The following ITPR1 variants were observed in gnomAD, a reference collection of about 807,000 sequenced individuals.
ITPR1 encodes inositol 1,4,5-trisphosphate-gated calcium channel ITPR1.
A neutral mutation model predicts 318.4 loss-of-function variants in ITPR1; 96 were observed. The observed-to-expected ratio is 0.30, with a 90% CI of 0.26 to 0.36. The LOEUF is 0.36. ITPR1 is among the 10% of genes least tolerant of loss of function. ITPR1 has a pLI of 1.00. For synonymous variants in ITPR1, 1,312 were observed against 1,289.9 expected (o/e 1.02, Z -0.37); for missense variants, 2,440 against 3,460.2 (o/e 0.71, Z 7.40).
intron 4 of ITPR1, among the ~76,000 whole-genome samples, chr3:4,525,788 T>G (rs879824299): frequency 2.0e-5 from 3 of 152,164 alleles, no homozygotes; most frequent in Non-Finnish European, 4.4e-5. Flanking sequence ...AATAGAAACT[T>G]TGTGGTTAGT....
At chr3:4,702,259 A>G (rs574914390) in intron 35 of ITPR1, among the ~76,000 whole-genome samples, 1 of 152,376 alleles carries the variant, frequency 6.6e-6, no homozygotes, top group South Asian at 2.1e-4. Context: ...ATAAATGAAT[A>G]TTTATAAAGA....
In ITPR1 at chr3:4,519,460, C is replaced by T. The variant is rs1269269671; in HGVS notation, c.93-1564C>T. Among the ~76,000 whole-genome samples the T allele has an allele frequency of 2.0e-5, 3 of 152,112 alleles. 1 individual carries two copies. The highest frequency in any genetic ancestry group is 7.2e-5 in the African/African-American group (3 of 41,416). The stretch of plus-strand genomic sequence containing the variant: ...CAGAATGGTCTCAATCTCTTGACCT[C>T]GTGATCCGCCTGTCTCGGCCTCCCA... On this transcript the variant is annotated intron_variant, in intron 3 of 61. Transcript: ENST00000649015.
chr3:4,699,785 A>G (rs1559724093), intron 34 of ITPR1, 28 bp from the exon 35 acceptor site: 1 of 1,611,538 alleles, frequency 6.2e-7, no homozygotes, highest in Non-Finnish European at 8.5e-7. Flanking sequence ...TTTTGGTGTA[A>G]TGCTTAACAT....
intron 60 of ITPR1, among the ~76,000 whole-genome samples, chr3:4,820,453 C>G (rs1188182694): frequency 6.6e-6 from 1 of 152,162 alleles, no homozygotes; most frequent in South Asian, 2.1e-4. Flanking sequence ...GGGTTTCTGT[C>G]TCAATCGTGG....
chr3:4,567,851 G>A (rs904679614), intron 4 of ITPR1, among the ~76,000 whole-genome samples: 1 of 152,150 alleles, frequency 6.6e-6, no homozygotes, highest in Non-Finnish European at 1.5e-5. Flanking sequence ...CGATCCACCT[G>A]CCCTGGACTT....
intron 61 of ITPR1, among the ~76,000 whole-genome samples, chr3:4,845,213 G>A (rs1201372553): frequency 6.6e-6 from 1 of 152,194 alleles, no homozygotes. Flanking sequence ...TAAAAACATA[G>A]GAGTAGGACC....
chr3:4,516,565 G>A lies in ITPR1; in HGVS notation c.74G>A (p.Gly25Glu), dbSNP rs1450712967. ...CTGTACGCGGAGGGATCGACAAATG[G>A]ATTTATTAGCACCTTGGGGTAAGAG... ...CSLYAEGSTN[G>E]FISTLGLVDD... Residue 25 changes from glycine (G) to glutamate (E), a missense_variant, in exon 3 of 62, where the codon GGA (glycine) becomes GAA (glutamate). By Grantham distance (98) the Gly-to-Glu change is moderately conservative (BLOSUM62 -2). Around this residue, in one of 23 missense-constraint regions of ITPR1, gnomAD observed 186 missense variants for 323.9 expected, o/e 0.57. Transcript: ENST00000649015. 6.2e-7 allele frequency: 1 copy of A among 1,600,986 alleles called. No homozygotes were observed. The highest frequency in any genetic ancestry group is 8.5e-7 in the Non-Finnish European group (1 of 1,172,578).
intron 4 of ITPR1, among the ~76,000 whole-genome samples, chr3:4,576,360 T>C (rs1035479723): frequency 6.6e-6 from 1 of 152,208 alleles, no homozygotes; most frequent in African/African-American, 2.4e-5. Flanking sequence ...GATTCCTGGG[T>C]CCAACCCCCA....
intron 12 of ITPR1, among the ~76,000 whole-genome samples, chr3:4,655,555 C>T (rs1374890671): frequency 2.6e-5 from 4 of 152,128 alleles, no homozygotes; most frequent in Non-Finnish European, 5.9e-5. Flanking sequence ...AGTGCCTTTG[C>T]GTCCACCAGG....
At chr3:4,609,115 T>G (rs2091927272) in intron 4 of ITPR1, among the ~76,000 whole-genome samples, 1 of 130,112 alleles carries the variant, frequency 7.7e-6, no homozygotes, top group African/African-American at 2.8e-5. Context: ...TCAGTGGTGG[T>G]GTTGAGACAT....
intron 4 of ITPR1, among the ~76,000 whole-genome samples, chr3:4,570,378 G>A (rs1215783907): frequency 1.3e-5 from 2 of 152,180 alleles, no homozygotes; most frequent in Non-Finnish European, 2.9e-5. Context: ...CATCCTCTAA[G>A]TAATGCTTTT....
At chr3:4,774,120 C>A (rs191361395) in intron 46 of ITPR1, among the ~76,000 whole-genome samples, 2 of 152,094 alleles carry the variant, frequency 1.3e-5, no homozygotes, top group African/African-American at 4.8e-5. Flanking sequence ...TATATTGGAA[C>A]GGGAACATTT....
In ITPR1 at chr3:4,691,171, A is replaced by G; in HGVS notation, c.3856A>G (p.Ile1286Val). 1 of 1,612,478 alleles carries G rather than the reference A, an allele frequency of 6.2e-7. No homozygotes were observed. Among genetic ancestry groups the G allele is most frequent in the Non-Finnish European group, 8.5e-7 (1 of 1,178,948 alleles). The change falls in exon 32 of 62, where the codon ATC becomes GTC. Residue 1286 changes from isoleucine (I) to valine (V), a missense_variant. Physicochemically the swap from Ile to Val is conservative, Grantham distance 29. Coordinates refer to ENST00000649015, the MANE Select transcript of ITPR1 (RefSeq NM_001378452.1). ...CCTGGAGGCAGTAACCATGCAGCAC[A>G]TCTTCATGAACAATTTCCAGCTTTG... The part of the protein sequence containing the change: ...GILEAVTMQH[I>V]FMNNFQLCSE...
intron 4 of ITPR1, among the ~76,000 whole-genome samples, chr3:4,568,979 A>G (rs911541782): frequency 5.3e-5 from 8 of 151,806 alleles, no homozygotes; most frequent in African/African-American, 1.9e-4. Flanking sequence ...AGCAGGAGCA[A>G]GAGAAGAATG....
chr3:4,549,694 CTTCATCTTGGGTT>C (rs1263889513), intron 4 of ITPR1, among the ~76,000 whole-genome samples: 1 of 152,110 alleles, frequency 6.6e-6, no homozygotes, highest in Non-Finnish European at 1.5e-5. Flanking sequence ...GTCTTGGGTT[CTTCATCTTGGGTT>C]TTCATCAGTA....
At chr3:4,652,258 C>T (rs754678962) in intron 11 of ITPR1, 40 bp downstream of exon 11, 16 of 1,365,500 alleles carry the variant, frequency 1.2e-5, no homozygotes, top group East Asian at 7.1e-5. Context: ...TCAAGGCTGA[C>T]GCACCTCACC....
intron 4 of ITPR1, among the ~76,000 whole-genome samples, chr3:4,614,306 T>G (rs1023745149): frequency 6.6e-6 from 1 of 152,204 alleles, no homozygotes; most frequent in Admixed American, 6.5e-5. Flanking sequence ...TTCATCCATG[T>G]TGTAACAGTA....
intron 17 of ITPR1, among the ~76,000 whole-genome samples, chr3:4,666,351 C>T (rs1322825994): frequency 6.6e-6 from 1 of 152,102 alleles, no homozygotes; most frequent in Non-Finnish European, 1.5e-5. Flanking sequence ...TTAAATCCAC[C>T]TTCAGTGCGT....
intron 54 of ITPR1, among the ~76,000 whole-genome samples, chr3:4,802,833 A>G (rs992927527): frequency 8.6e-5 from 13 of 151,920 alleles, no homozygotes; most frequent in African/African-American, 1.5e-4. Flanking sequence ...ATTAAAAAAA[A>G]AAAGAAAGAA....
Sources: allele counts gnomAD v4.1 joint callset (sites outside exome capture counted in the v4.1 genomes callset), GRCh38; gene constraint gnomAD v4.1.1; regional missense constraint gnomAD v4.1.1; transcripts MANE v1.5; gene names NCBI Gene and HGNC (gene_info 2026-07-23, HGNC 2026-07-21).